The following CTNNA2 variants were observed in gnomAD, a reference collection of about 807,000 sequenced individuals.
The protein encoded by CTNNA2 is catenin alpha-2.
Under a neutral mutation model 101.0 loss-of-function variants are expected in CTNNA2, and 42 were observed. The observed-to-expected ratio is 0.42, with a 90% CI of 0.32 to 0.54. CTNNA2 has a LOEUF of 0.54. CTNNA2 is among the 20% of genes least tolerant of loss of function. The pLI, the probability that CTNNA2 is intolerant of heterozygous loss-of-function variation, is 0.14. For missense variants in CTNNA2, 871 were observed against 1,223.1 expected (o/e 0.71, Z 4.29); for synonymous variants, 450 against 456.4 (o/e 0.99, Z 0.18).
chr2:79,754,581 C>T (rs1189078251), intron 3 of CTNNA2, among the ~76,000 whole-genome samples: 9 of 152,146 alleles, frequency 5.9e-5, no homozygotes, highest in Non-Finnish European at 7.3e-5. Context: ...CAGGGGTCAG[C>T]CTCTCTAAAA....
chr2:80,145,413 A>T (rs1263841579), intron 7 of CTNNA2, among the ~76,000 whole-genome samples: 1 of 152,162 alleles, frequency 6.6e-6, no homozygotes, highest in African/African-American at 2.4e-5. Flanking sequence ...AGCTTTCTCC[A>T]TGACCTCCAG....
At chr2:80,104,717 A>T (rs996196926) in intron 7 of CTNNA2, among the ~76,000 whole-genome samples, 2 of 152,368 alleles carry the variant, frequency 1.3e-5, no homozygotes, top group African/African-American at 4.8e-5. Flanking sequence ...TGAAAAGTTA[A>T]TTCAGCAGCA....
chr2:80,056,871 T>C (rs1040261607), intron 7 of CTNNA2, among the ~76,000 whole-genome samples: 6 of 152,202 alleles, frequency 3.9e-5, no homozygotes, highest in Non-Finnish European at 8.8e-5. Flanking sequence ...ATATCTCTGT[T>C]AATCTTCATC....
At chr2:80,218,785 C>T (rs1249570483) in intron 7 of CTNNA2, among the ~76,000 whole-genome samples, 1 of 152,148 alleles carries the variant, frequency 6.6e-6, no homozygotes, top group African/African-American at 2.4e-5. Context: ...TCAACTTTCT[C>T]CCCATTTGAC....
intron 1 of CTNNA2, among the ~76,000 whole-genome samples, chr2:79,595,410 C>T (rs985482901): frequency 6.6e-6 from 1 of 152,126 alleles, no homozygotes; most frequent in African/African-American, 2.4e-5. Flanking sequence ...GACCACTTTC[C>T]AAATATTTCC....
chr2:80,491,004 G>A (rs1163833942), intron 9 of CTNNA2, among the ~76,000 whole-genome samples: 1 of 152,182 alleles, frequency 6.6e-6, no homozygotes, highest in East Asian at 1.9e-4. Flanking sequence ...GAAGTCTAGT[G>A]CTTTATCTTA....
chr2:79,971,085 G>A (rs971292339), intron 7 of CTNNA2, among the ~76,000 whole-genome samples: 3 of 152,106 alleles, frequency 2.0e-5, no homozygotes, highest in African/African-American at 7.2e-5. Flanking sequence ...TAATGCTGGG[G>A]AGGCGAGACA....
intron 3 of CTNNA2, among the ~76,000 whole-genome samples, chr2:79,334,342 C>G (rs928547949): frequency 7.2e-5 from 11 of 151,934 alleles, no homozygotes; most frequent in African/African-American, 2.7e-4. Flanking sequence ...AACTCCAAAA[C>G]AGCATAGCTT....
chr2:80,348,676 T>C (rs1673007760), intron 7 of CTNNA2, among the ~76,000 whole-genome samples: 1 of 152,120 alleles, frequency 6.6e-6, no homozygotes, highest in Non-Finnish European at 1.5e-5. Context: ...CATAGACATG[T>C]GTAGCTTTTT....
chr2:80,127,091 C>A (rs1702176492), intron 7 of CTNNA2, among the ~76,000 whole-genome samples: 1 of 152,166 alleles, frequency 6.6e-6, no homozygotes, highest in Non-Finnish European at 1.5e-5. Context: ...AGGTTGCATT[C>A]TTTGACAAGG....
chr2:80,564,509 GT>G (rs70940087), intron 12 of CTNNA2, among the ~76,000 whole-genome samples: 71,462 of 141,276 alleles, frequency 0.51, 17,876 homozygotes, highest in African/African-American at 0.61. Flanking sequence ...AATTTAGAGA[GT>G]TTTTTTTTTT....
At chr2:79,667,417 A>G (rs2104562852) in intron 2 of CTNNA2, among the ~76,000 whole-genome samples, 1 of 152,316 alleles carries the variant, frequency 6.6e-6, no homozygotes, top group Non-Finnish European at 1.5e-5. Flanking sequence ...AATATCCAAT[A>G]GGTTGCTTTT....
chr2:79,292,019 G>C (rs1167954848), intron 2 of CTNNA2, among the ~76,000 whole-genome samples: 1 of 152,104 alleles, frequency 6.6e-6, no homozygotes, highest in Admixed American at 6.5e-5. Context: ...GAGCTCACCT[G>C]TGGGGGTGGT....
intron 1 of CTNNA2, among the ~76,000 whole-genome samples, chr2:79,577,321 A>G (rs567687562): frequency 2.2e-4 from 34 of 152,234 alleles, no homozygotes; most frequent in African/African-American, 7.9e-4. Flanking sequence ...ATATTATATT[A>G]GTTACATCAA....
At chr2:80,137,726 T>C (rs909459164) in intron 7 of CTNNA2, among the ~76,000 whole-genome samples, 3 of 144,342 alleles carry the variant, frequency 2.1e-5, no homozygotes, top group African/African-American at 5.3e-5. Flanking sequence ...AACAGCTGGA[T>C]CTCCTGCCTT....
rs895417689 is a variant in CTNNA2, at chr2:79,827,205, AT to A, written c.299-30801del. 2.6e-5 allele frequency among the ~76,000 whole-genome samples: 4 copies of A among 151,800 alleles called. No individual in the cohort carries two copies. The South Asian group carries it at 8.3e-4, about 32-fold the overall frequency. On this transcript the variant is annotated intron_variant, in intron 3 of 18. Coordinates refer to ENST00000402739, the MANE Select transcript of CTNNA2 (RefSeq NM_001282597.3). ...AGGCGCCCGCCACCACGCCCAACTAATTTTTTTATTTTTAGTAGAAACAGAG... is the reference window on the plus strand; with the variant it reads ...AGGCGCCCGCCACCACGCCCAACTAATTTTTTATTTTTAGTAGAAACAGAG...
intron 18 of CTNNA2, among the ~76,000 whole-genome samples, chr2:80,633,748 T>C (rs1672547502): frequency 6.6e-6 from 1 of 152,192 alleles, no homozygotes; most frequent in Non-Finnish European, 1.5e-5. Context: ...GTTATGAAGA[T>C]TAATTTATTA....
At chr2:79,232,636 T>G (rs1030799525) in intron 2 of CTNNA2, among the ~76,000 whole-genome samples, 1 of 152,220 alleles carries the variant, frequency 6.6e-6, no homozygotes, top group African/African-American at 2.4e-5. Flanking sequence ...TTTGTACATC[T>G]GGTAGAATTT....
chr2:80,471,077 A>G (rs1003489461), intron 9 of CTNNA2, among the ~76,000 whole-genome samples: 2 of 152,110 alleles, frequency 1.3e-5, no homozygotes, highest in Non-Finnish European at 2.9e-5. Flanking sequence ...GCAGCCCATG[A>G]TAGGGGGTTG....
Sources: allele counts gnomAD v4.1 joint callset (sites outside exome capture counted in the v4.1 genomes callset), GRCh38; gene constraint gnomAD v4.1.1; transcripts MANE v1.5; gene names NCBI Gene and HGNC (gene_info 2026-07-23, HGNC 2026-07-21).